MAPK8IP1: variants seen among roughly 807,000 people sequenced by gnomAD.
MAPK8IP1 encodes mitogen-activated protein kinase 8 interacting protein 1.
MAPK8IP1 carries 17 observed loss-of-function variants against 72.6 expected under a neutral mutation model. That is an observed-to-expected ratio of 0.23 (90% CI 0.16 to 0.35). The LOEUF is 0.35. Among genes scored for constraint, MAPK8IP1 ranks in the 10% least tolerant of loss-of-function variants. MAPK8IP1 has a pLI of 1.00. For missense variants in MAPK8IP1, 789 were observed against 1,009.7 expected (o/e 0.78, Z 2.96); for synonymous variants, 401 against 443.4 (o/e 0.90, Z 1.20).
intron 1 of MAPK8IP1, among the ~76,000 whole-genome samples, chr11:45,887,172 G>A (rs531976818): frequency 1.3e-5 from 2 of 152,308 alleles, no homozygotes; most frequent in South Asian, 4.1e-4. Flanking sequence ...CTCTGCAGTG[G>A]AAGCACATGG....
In MAPK8IP1 at chr11:45,885,728, G is replaced by C; in HGVS notation, c.-93G>C. On this transcript the variant is annotated 5_prime_UTR_variant, in exon 1 of 12. Transcript: ENST00000241014. The stretch of plus-strand genomic sequence containing the variant: ...GCCCGCCTAGCCCGAACTCCGCGGC[G>C]GCGGCTGCCCTCTCGCCGCGCCTCC... 3 of 636,042 alleles carry C rather than the reference G, an allele frequency of 4.7e-6. No individual in the cohort carries two copies. Among genetic ancestry groups the C allele is most frequent in the Non-Finnish European group, 7.0e-6 (3 of 429,218 alleles). The allele number at this position is 636,042 out of a possible 1,614,324, so 39.4% of individuals were successfully genotyped here.
In MAPK8IP1 at chr11:45,898,082, C is replaced by G. The variant is rs1480805316; in HGVS notation, c.102-3C>G. The G allele has an allele frequency of 6.2e-7, 1 of 1,607,498 alleles. No homozygotes were observed. The highest frequency in any genetic ancestry group is 1.7e-5 in the Admixed American group (1 of 59,970). ...TGTAACTTTGGCTTCCTGTCCCCAC[C>G]AGGCTCACCCATGACATCAGCCTGG... On this transcript the variant is annotated splice_region_variant and splice_polypyrimidine_tract_variant and intron_variant, in intron 1 of 11. Coordinates refer to ENST00000241014, the MANE Select transcript of MAPK8IP1 (RefSeq NM_005456.4).
chr11:45,895,632 AAATAT>A (rs1331320158), intron 1 of MAPK8IP1, among the ~76,000 whole-genome samples: 1,836 of 28,506 alleles, frequency 0.064, 42 homozygotes, highest in African/African-American at 0.13. Context: ...AAAAAAAAAA[AAATAT>A]ATATATATAT....
At chr11:45,892,670 G>T (rs750792368) in intron 1 of MAPK8IP1, among the ~76,000 whole-genome samples, 4 of 152,108 alleles carry the variant, frequency 2.6e-5, no homozygotes, top group Non-Finnish European at 2.9e-5. Flanking sequence ...GGTGGGAGGT[G>T]GGGGGAATGA....
Position 45,905,003 on chromosome 11 carries a change from A to G in MAPK8IP1, c.1926A>G (p.Lys642=), listed in dbSNP as rs2086693323. 1 of 1,614,050 alleles carries G rather than the reference A, an allele frequency of 6.2e-7. No individual in the cohort carries two copies. The highest frequency in any genetic ancestry group is 8.5e-7 in the Non-Finnish European group (1 of 1,180,046). Residue 642 remains lysine, a synonymous_variant, in exon 10 of 12, where the codon AAA becomes AAG. Coordinates refer to ENST00000241014, the MANE Select transcript of MAPK8IP1 (RefSeq NM_005456.4). ...AATGTAGCCACTTTTTCCAGTTAAAAAACATCTCTTTCTGCGGATATCATC... is the reference window on the plus strand; with the variant it reads ...AATGTAGCCACTTTTTCCAGTTAAAGAACATCTCTTTCTGCGGATATCATC... ...GNKCSHFFQL[K]NISFCGYHPK...
chr11:45,905,305 C>T, intron 11 of MAPK8IP1, 56 bp downstream of exon 11: 2 of 1,495,184 alleles, frequency 1.3e-6, no homozygotes, highest in Non-Finnish European at 1.9e-6. Flanking sequence ...AATCCCAGGC[C>T]CTGGGGCTGC....
At chr11:45,893,283 TGA>T (rs2086580254) in intron 1 of MAPK8IP1, among the ~76,000 whole-genome samples, 1 of 147,810 alleles carries the variant, frequency 6.8e-6, no homozygotes, top group African/African-American at 2.7e-5. Context: ...GGTGGAAATG[TGA>T]CCCAGCAAGG....
At position 45,904,889 on chromosome 11, in the gene MAPK8IP1, A is replaced by T; in HGVS notation, c.1893+55A>T. 1.2e-6 allele frequency: 2 copies of T among 1,607,370 alleles called. No individual in the cohort carries two copies. Among genetic ancestry groups the T allele is most frequent in the South Asian group, 2.2e-5 (2 of 90,940 alleles). ...CCATGGCCCCAAGCTCTCCCCCAAG[A>T]CTTGTGATGAAGAGGCCATCTCCTG... On this transcript the variant is annotated intron_variant, in intron 9 of 11. Coordinates refer to ENST00000241014, the MANE Select transcript of MAPK8IP1 (RefSeq NM_005456.4). The surrounding 1 kb of genome is among the most constrained non-coding windows in gnomAD (Gnocchi z 6.4).
chr11:45,897,857 G>A (rs1262563182), intron 1 of MAPK8IP1, among the ~76,000 whole-genome samples: 2 of 152,198 alleles, frequency 1.3e-5, no homozygotes, highest in African/African-American at 2.4e-5. Context: ...AGAGTGACCT[G>A]GAGCCTCCTC....
chr11:45,896,093 G>T (rs923940443), intron 1 of MAPK8IP1, among the ~76,000 whole-genome samples: 52 of 152,332 alleles, frequency 3.4e-4, no homozygotes, highest in African/African-American at 1.2e-3. Context: ...CATTCCAAAG[G>T]GAGAGGAAGC....
intron 1 of MAPK8IP1, chr11:45,896,674 G>A (rs1475391369): frequency 1.4e-6 from 2 of 1,405,330 alleles, no homozygotes; most frequent in South Asian, 1.6e-5. Flanking sequence ...CTGGGACCCG[G>A]GTCGGCAGCT....
rs139858768 is a variant in MAPK8IP1, at chr11:45,902,967, C to T, written c.1200C>T (p.Phe400=). The T allele has an allele frequency of 7.5e-4, 1,215 of 1,611,988 alleles. 14 individuals carry two copies. In the East Asian group the frequency reaches 0.024, roughly 31 times the overall value. The part of the protein sequence containing the change: ...QLELVSLRPC[F]GDYSDESDSA... Reference sequence around the variant, plus strand: ...AGCTGGTGAGCCTGCGGCCGTGCTTCGGAGACTACAGTGACGAGAGTGACT... The same window carrying T: ...AGCTGGTGAGCCTGCGGCCGTGCTTTGGAGACTACAGTGACGAGAGTGACT... The change falls in exon 5 of 12, where the codon TTC becomes TTT. Residue 400 remains phenylalanine, a synonymous_variant. Coordinates refer to ENST00000241014, the MANE Select transcript of MAPK8IP1 (RefSeq NM_005456.4). This position sits in a 1 kb window ranked among gnomAD's most constrained non-coding sequence, Gnocchi z 9.3.
Position 45,900,127 on chromosome 11 carries a change from G to T in MAPK8IP1, c.208-11G>T, listed in dbSNP as rs1218305764. On this transcript the variant is annotated splice_polypyrimidine_tract_variant and intron_variant, in intron 2 of 11. Coordinates refer to ENST00000241014, the MANE Select transcript of MAPK8IP1 (RefSeq NM_005456.4). This position sits in a 1 kb window ranked among gnomAD's most constrained non-coding sequence, Gnocchi z 6.5. ...GCCCCGCCCCCTGACGCCCCTCCGT[G>T]CGCTGTGCAGCCCCCGCGCGCCGGG... 4 of 1,239,372 alleles carry T rather than the reference G, an allele frequency of 3.2e-6. No homozygotes were observed. The East Asian group carries it at 1.0e-4, about 32-fold the overall frequency. The allele number at this position is 1,239,372 out of a possible 1,614,324, so 76.8% of individuals were successfully genotyped here. A position where few individuals can be genotyped will look rare whatever the true frequency, so the allele number is the denominator to read the frequency against.
At chr11:45,896,490 A>AGG (rs71308368) in intron 1 of MAPK8IP1, 66 of 1,003,124 alleles carry the variant, frequency 6.6e-5, no homozygotes, top group Non-Finnish European at 7.1e-5. Context: ...TGGGCCAGGG[A>AGG]GGGGGGGCCA....
chr11:45,891,792 A>G (rs1590782605), intron 1 of MAPK8IP1, among the ~76,000 whole-genome samples: 1 of 152,186 alleles, frequency 6.6e-6, no homozygotes, highest in Non-Finnish European at 1.5e-5. Context: ...GTTGATTCCA[A>G]AAGACTGCAT....
rs760029867 is a variant in MAPK8IP1 at position 45,885,902 on chromosome 11, G to A, written c.82G>A (p.Ala28Thr). 6.8e-7 allele frequency: 1 copy of A among 1,475,694 alleles called. No individual in the cohort carries two copies. The highest frequency in any genetic ancestry group is 2.3e-5 in the Admixed American group (1 of 42,840). The allele number at this position is 1,475,694 out of a possible 1,614,324, so 91.4% of individuals were successfully genotyped here. A position where few individuals can be genotyped will look rare whatever the true frequency, so the allele number is the denominator to read the frequency against. The change falls in exon 1 of 12, where the codon GCT becomes ACT. Residue 28 changes from alanine to threonine, a missense_variant. Ala to Thr is a moderately conservative substitution (Grantham distance 58, BLOSUM62 0). Around this residue, in one of 4 missense-constraint regions of MAPK8IP1, gnomAD observed 112 missense variants for 111.8 expected, o/e 1.00. Transcript: ENST00000241014. ...CTCCCCGTTCCTGGGGCTGCACATC[G>A]CTTCGCCTCCCAATTTCAGGTGAGA... ...AASPFLGLHI[A>T]SPPNFRLTHD...
At position 45,902,181 on chromosome 11, in the gene MAPK8IP1, C is replaced by A; in HGVS notation, c.604+120C>A. Reference sequence around the variant, plus strand: ...TAGAGGTGAACTGCCCACCCACATCCCTGCACGAGCCCATCCAGGGGCTGA... The same window carrying A: ...TAGAGGTGAACTGCCCACCCACATCACTGCACGAGCCCATCCAGGGGCTGA... On this transcript the variant is annotated intron_variant, in intron 4 of 11. Transcript: ENST00000241014. This position sits in a 1 kb window ranked among gnomAD's most constrained non-coding sequence, Gnocchi z 9.3. 9.7e-7 allele frequency: 1 copy of A among 1,034,700 alleles called. No homozygotes were observed. The highest frequency in any genetic ancestry group is 1.3e-5 in the South Asian group (1 of 79,016). The allele number at this position is 1,034,700 out of a possible 1,614,324, so 64.1% of individuals were successfully genotyped here. A position where few individuals can be genotyped will look rare whatever the true frequency, so the allele number is the denominator to read the frequency against.
In MAPK8IP1 at chr11:45,894,001, A is replaced by G. The variant is rs78567770; in HGVS notation, c.102-4084A>G. ...ACTTGCACAGGGTACTCTTTGACCAATCAGTCCCCCTTGATCCTTGGTAGT... is the reference window on the plus strand; with the variant it reads ...ACTTGCACAGGGTACTCTTTGACCAGTCAGTCCCCCTTGATCCTTGGTAGT... On this transcript the variant is annotated intron_variant, in intron 1 of 11. Transcript: ENST00000241014. 4.5e-3 allele frequency among the ~76,000 whole-genome samples: 687 copies of G among 152,168 alleles called. 3 individuals carry two copies. Among genetic ancestry groups the G allele is most frequent in the African/African-American group, 0.015 (634 of 41,514 alleles).
In MAPK8IP1 at chr11:45,903,086, C is replaced by G. The variant is rs1237713444; in HGVS notation, c.1319C>G (p.Pro440Arg). Residue 440 changes from proline to arginine, a missense_variant, in exon 5 of 12, where the codon CCT becomes CGT. By Grantham distance (103) the Pro-to-Arg change is moderately radical. Around this residue, in one of 4 missense-constraint regions of MAPK8IP1, gnomAD observed 377 missense variants for 411.7 expected, o/e 0.92. Coordinates refer to ENST00000241014, the MANE Select transcript of MAPK8IP1 (RefSeq NM_005456.4). This position sits in a 1 kb window ranked among gnomAD's most constrained non-coding sequence, Gnocchi z 6.4. Reference protein sequence around the residue: ...EYEEAPRPQPPACLSEDSTPD... With the variant: ...EYEEAPRPQPRACLSEDSTPD... Reference sequence around the variant, plus strand: ...GAGGAGGCCCCGCGGCCCCAGCCCCCTGCCTGCCTCTCCGAGGACTCCACG... The same window carrying G: ...GAGGAGGCCCCGCGGCCCCAGCCCCGTGCCTGCCTCTCCGAGGACTCCACG... 4.3e-6 allele frequency: 7 copies of G among 1,611,578 alleles called. No individual in the cohort carries two copies. The highest frequency in any genetic ancestry group is 5.9e-6 in the Non-Finnish European group (7 of 1,179,964).
Sources: allele counts gnomAD v4.1 joint callset (sites outside exome capture counted in the v4.1 genomes callset), GRCh38; gene constraint gnomAD v4.1.1; regional missense constraint gnomAD v4.1.1; non-coding constraint Gnocchi (gnomAD v3.1); transcripts MANE v1.5; gene names NCBI Gene and HGNC (gene_info 2026-07-23, HGNC 2026-07-21).